The following ARHGEF3 variants were observed in gnomAD, a reference collection of about 807,000 sequenced individuals.
ARHGEF3 encodes the protein 59.8 kDA protein.
Under a neutral mutation model 63.2 loss-of-function variants are expected in ARHGEF3, and 28 were observed. That is an observed-to-expected ratio of 0.44 (90% CI 0.33 to 0.61). ARHGEF3 has a LOEUF of 0.61. Ranked by LOEUF, ARHGEF3 falls within the 20% of genes least tolerant of loss-of-function variation. ARHGEF3 has a pLI of 0.03. For synonymous variants in ARHGEF3, 266 were observed against 254.2 expected, an observed-to-expected ratio of 1.05 and a Z score of -0.44; for missense variants, 533 against 659.3, an observed-to-expected ratio of 0.81 and a Z score of 2.10.
chr3:57,036,900 C>T (rs1326197871), intron 1 of ARHGEF3, among the ~76,000 whole-genome samples: 1 of 152,150 alleles, frequency 6.6e-6, no homozygotes, highest in African/African-American at 2.4e-5. Context: ...ACAGGCCTGG[C>T]CAGATTAAAG....
intron 4 of ARHGEF3, among the ~76,000 whole-genome samples, chr3:56,831,734 C>T (rs147919543): frequency 6.6e-5 from 10 of 152,340 alleles, no homozygotes; most frequent in East Asian, 1.9e-4. Context: ...CTGGTGTGTA[C>T]GTTCAGAAAA....
At chr3:56,948,381 G>A (rs1432620539) in intron 3 of ARHGEF3, among the ~76,000 whole-genome samples, 3 of 151,606 alleles carry the variant, frequency 2.0e-5, no homozygotes, top group Non-Finnish European at 4.4e-5. Context: ...TAGACCACTA[G>A]CAAGACTAAT....
chr3:56,946,587 A>T (rs1435377195), intron 3 of ARHGEF3, among the ~76,000 whole-genome samples: 2 of 152,208 alleles, frequency 1.3e-5, no homozygotes, highest in African/African-American at 4.8e-5. Context: ...AAAAAGAATA[A>T]AAAGAAACGA....
chr3:56,917,802 G>C (rs78769028), intron 3 of ARHGEF3, among the ~76,000 whole-genome samples: 1 of 152,302 alleles, frequency 6.6e-6, no homozygotes, highest in East Asian at 1.9e-4. Flanking sequence ...AAGCTGAACT[G>C]ACAGGCTTGG....
rs2032969622 is a variant in ARHGEF3 at position 56,729,590 on chromosome 3, C to G, written c.1261G>C (p.Gly421Arg). ...AGCGAGTGGGTCTGACTTTGGGATC[C>G]ATTTTTGAAACTGACTCTGAAGAAG... ...KNFFRVSFKN[G>R]SQSQTHSLQA... The change falls in exon 10 of 10, where the codon GGA (glycine) becomes CGA (arginine). Residue 421 changes from glycine (G) to arginine (R), a missense_variant. Gly to Arg is a moderately radical substitution (Grantham distance 125). This residue lies in a region of ARHGEF3 where 151 missense variants were observed against 190.7 expected (regional missense o/e 0.79). Coordinates refer to ENST00000296315, the MANE Select transcript of ARHGEF3 (RefSeq NM_019555.3). 2 of 1,604,430 alleles carry G rather than the reference C, an allele frequency of 1.2e-6. No individual in the cohort carries two copies.
intron 1 of ARHGEF3, among the ~76,000 whole-genome samples, chr3:56,798,120 C>G (rs906329488): frequency 6.6e-6 from 1 of 152,204 alleles, no homozygotes; most frequent in Non-Finnish European, 1.5e-5. Flanking sequence ...AGGAGCAGAG[C>G]TCTGTCATTT....
At chr3:57,045,910 C>T (rs148319021) in intron 1 of ARHGEF3, among the ~76,000 whole-genome samples, 3 of 152,328 alleles carry the variant, frequency 2.0e-5, no homozygotes, top group African/African-American at 7.2e-5. Context: ...ATAGAATCAA[C>T]ACACATCACA....
At position 56,754,968 on chromosome 3, in the gene ARHGEF3, G is replaced by GC; in HGVS notation, c.375+12dup. 6.2e-7 allele frequency: 1 copy of GC among 1,614,070 alleles called. No homozygotes were observed. The highest frequency in any genetic ancestry group is 2.2e-5 in the East Asian group (1 of 44,878). ...TCCAGACACACAGCCAGCTCCATGGGCCCCGAGCCTACCTCCTGACGTTTG... is the reference window on the plus strand; with the variant it reads ...TCCAGACACACAGCCAGCTCCATGGGCCCCCGAGCCTACCTCCTGACGTTTG... On this transcript the variant is annotated intron_variant, in intron 3 of 9. Transcript: ENST00000296315.
chr3:56,731,109 C>T (rs910176189), intron 9 of ARHGEF3, among the ~76,000 whole-genome samples: 4 of 152,202 alleles, frequency 2.6e-5, no homozygotes, highest in African/African-American at 4.8e-5. Context: ...TCTACTACTC[C>T]TACTCCTAGG....
chr3:56,858,514 C>T (rs1010651166), intron 4 of ARHGEF3, among the ~76,000 whole-genome samples: 4 of 152,114 alleles, frequency 2.6e-5, no homozygotes, highest in Non-Finnish European at 5.9e-5. Context: ...AATGGCAGTC[C>T]CTGTCTGTGC....
At chr3:56,944,850 A>G (rs1699396386) in intron 3 of ARHGEF3, among the ~76,000 whole-genome samples, 2 of 152,090 alleles carry the variant, frequency 1.3e-5, no homozygotes, top group African/African-American at 4.8e-5. Context: ...AAGTGCTGGA[A>G]TTACAGATGT....
At chr3:56,779,648 C>T (rs181603729) in intron 1 of ARHGEF3, among the ~76,000 whole-genome samples, 13 of 152,332 alleles carry the variant, frequency 8.5e-5, no homozygotes, top group African/African-American at 3.1e-4. Flanking sequence ...ATAAGCTTTA[C>T]TTCAAATGGC....
At chr3:57,018,697 C>T (rs1703123229) in intron 2 of ARHGEF3, among the ~76,000 whole-genome samples, 1 of 152,192 alleles carries the variant, frequency 6.6e-6, no homozygotes, top group Admixed American at 6.5e-5. Flanking sequence ...TCACCTTCCC[C>T]ACACCAAAAA....
At chr3:56,856,854 A>G (rs1362442336) in intron 4 of ARHGEF3, among the ~76,000 whole-genome samples, 2 of 151,346 alleles carry the variant, frequency 1.3e-5, no homozygotes. Flanking sequence ...GAACCAACTT[A>G]CTCTTCATAA....
In ARHGEF3 at chr3:57,010,732, G is replaced by A. The variant is rs886273021; in HGVS notation, c.62+24356C>T. On this transcript the variant is annotated intron_variant, in intron 2 of 12. Coordinates refer to the ARHGEF3 transcript ENST00000338458. ...CCTGACTCCCAAGGAGCCCACCATG[G>A]AGAACCAAGGACCCCAGTGTTCATG... 5.9e-5 allele frequency among the ~76,000 whole-genome samples: 9 copies of A among 152,252 alleles called. No homozygotes were observed. The East Asian group carries it at 1.7e-3, about 29-fold the overall frequency.
In ARHGEF3 at chr3:56,868,364, T is replaced by G. The variant is rs540468434; in HGVS notation, c.192+13928A>C. On this transcript the variant is annotated intron_variant, in intron 4 of 12. Transcript: ENST00000338458. ...CAAGGATATTCTTTTTTTGTTTGTT[T>G]TTTTTTTTTTTCGAGACAGAGTCTC... is the stretch of plus-strand genomic sequence containing the variant. 2.1e-4 allele frequency among the ~76,000 whole-genome samples: 31 copies of G among 151,038 alleles called. No individual in the cohort carries two copies. In the South Asian group the frequency reaches 6.3e-3, roughly 30 times the overall value.
At chr3:56,731,215 T>C (rs2033131662) in intron 9 of ARHGEF3, among the ~76,000 whole-genome samples, 1 of 152,142 alleles carries the variant, frequency 6.6e-6, no homozygotes, top group African/African-American at 2.4e-5. Flanking sequence ...CGTTACTTTC[T>C]CAGAGAAGTG....
chr3:56,779,204 T>C (rs2036427083), intron 1 of ARHGEF3, among the ~76,000 whole-genome samples: 1 of 152,234 alleles, frequency 6.6e-6, no homozygotes, highest in African/African-American at 2.4e-5. Context: ...TTATTGCATT[T>C]TATTCTCTTA....
intron 4 of ARHGEF3, among the ~76,000 whole-genome samples, chr3:56,823,402 G>A (rs2038592424): frequency 6.6e-6 from 1 of 152,072 alleles, no homozygotes. Context: ...GTCCAGCCAG[G>A]CATATCCTAA....
Sources: gnomAD v4.1 joint callset for allele counts (sites outside exome capture counted in the v4.1 genomes callset) on GRCh38, gnomAD v4.1.1 for gene constraint, gnomAD v4.1.1 regional missense constraint, MANE v1.5 for transcripts, NCBI Gene and HGNC (gene_info 2026-07-23, HGNC 2026-07-21) for gene names.